SLC6A9: variants seen among roughly 807,000 people sequenced by gnomAD.
SLC6A9 encodes solute carrier family 6 member 9, also known as sodium- and chloride-dependent glycine transporter 1.
A neutral mutation model predicts 70.9 loss-of-function variants in SLC6A9; 31 were observed. The ratio of observed to expected loss-of-function variants is 0.44; its 90% CI spans 0.33 to 0.59. The LOEUF (loss-of-function observed/expected upper bound fraction) is 0.59. Among genes scored for constraint, SLC6A9 ranks in the 20% least tolerant of loss-of-function variants. The pLI, the probability that SLC6A9 is intolerant of heterozygous loss-of-function variation, is 0.04. For missense variants in SLC6A9, 631 were observed against 845.2 expected, an observed-to-expected ratio of 0.75 and a Z score of 3.14; for synonymous variants, 310 against 341.3, an observed-to-expected ratio of 0.91 and a Z score of 1.01.
intron 2 of SLC6A9, among the ~76,000 whole-genome samples, 195 bp downstream of exon 2, chr1:44,024,053 C>T (rs772958644): frequency 6.6e-6 from 1 of 152,178 alleles, no homozygotes; most frequent in Admixed American, 6.5e-5. Context: ...CAGGTCTTTG[C>T]GGGCTCTGCG....
At chr1:44,001,355 C>T in intron 9 of SLC6A9, 35 bp downstream of exon 9, 2 of 1,613,122 alleles carry the variant, frequency 1.2e-6, no homozygotes, top group Non-Finnish European at 1.7e-6. Context: ...CCCCTCCCTT[C>T]CCCAAGCCTC....
At chr1:44,028,330 G>A (rs565772836) in intron 1 of SLC6A9, among the ~76,000 whole-genome samples, 2 of 152,300 alleles carry the variant, frequency 1.3e-5, no homozygotes, top group African/African-American at 4.8e-5. Flanking sequence ...CCTATTGAAA[G>A]CTTTTAAGCA....
At chr1:44,016,986 C>A in intron 2 of SLC6A9, 1 of 1,515,562 alleles carries the variant, frequency 6.6e-7, no homozygotes, top group Non-Finnish European at 8.9e-7. Context: ...CCATCCGCAG[C>A]CCAGCCTCTC....
At chr1:44,015,820 T>C (rs1325440) in intron 2 of SLC6A9, 851,222 of 981,858 alleles carry the variant, frequency 0.87, 369,404 homozygotes, top group African/African-American at 0.9. Flanking sequence ...TACCTGGATA[T>C]GGGAGAGTCT....
intron 2 of SLC6A9, chr1:44,017,114 C>A: frequency 6.2e-7 from 1 of 1,606,104 alleles, no homozygotes. Context: ...GATCGCAGCC[C>A]GCGTGTCTCC....
intron 2 of SLC6A9, among the ~76,000 whole-genome samples, chr1:44,015,308 C>T (rs1358574113): frequency 6.6e-6 from 1 of 152,208 alleles, no homozygotes; most frequent in Non-Finnish European, 1.5e-5. Flanking sequence ...ACTCCCGCCT[C>T]CTAGATCAGT....
At position 44,007,359 on chromosome 1, in the gene SLC6A9, A is replaced by G. The variant is rs1245396300; in HGVS notation, c.590+994T>C. ...GGGGACACAGGGCCTGGCAGAGCAG[A>G]GGCGTGAATGTTGTGGAATAAATGG... On this transcript the variant is annotated intron_variant, in intron 5 of 13. Transcript: ENST00000372310. Among the ~76,000 whole-genome samples, 3 of 152,172 alleles carry G rather than the reference A, an allele frequency of 2.0e-5. No individual in the cohort carries two copies. The East Asian group carries it at 5.8e-4, about 29-fold the overall frequency.
At chr1:44,006,902 G>T (rs1036467027) in intron 5 of SLC6A9, among the ~76,000 whole-genome samples, 1 of 152,224 alleles carries the variant, frequency 6.6e-6, no homozygotes, top group African/African-American at 2.4e-5. Flanking sequence ...TAGAGGCCCT[G>T]TGGTGACTTG....
intron 2 of SLC6A9, chr1:44,011,751 G>A: frequency 6.2e-7 from 1 of 1,611,458 alleles, no homozygotes; most frequent in Non-Finnish European, 8.5e-7. Flanking sequence ...AAGGTCAGGA[G>A]AGGCAGATGC....
Position 44,002,758 on chromosome 1 carries a change from C to T in SLC6A9, c.723+95G>A. The T allele has an allele frequency of 1.9e-6, 3 of 1,591,520 alleles. No individual in the cohort carries two copies. The highest frequency in any genetic ancestry group is 2.2e-5 in the East Asian group (1 of 44,676). On this transcript the variant is annotated intron_variant, in intron 6 of 13. Transcript: ENST00000372310. The surrounding 1 kb of genome is among the most constrained non-coding windows in gnomAD (Gnocchi z 5.5). ...CTGGTCCCTCTCCGGCTCCGGAGTCCCTTCAGCATCCCCTCCCTGCAATAC... is the reference window on the plus strand; with the variant it reads ...CTGGTCCCTCTCCGGCTCCGGAGTCTCTTCAGCATCCCCTCCCTGCAATAC...
intron 1 of SLC6A9, among the ~76,000 whole-genome samples, chr1:44,030,115 C>A (rs995177562): frequency 6.6e-6 from 1 of 152,020 alleles, no homozygotes; most frequent in Non-Finnish European, 1.5e-5. Context: ...TTTAAGTATC[C>A]GCCGGCCCGA....
At chr1:44,030,118 C>A (rs1033329577) in intron 1 of SLC6A9, among the ~76,000 whole-genome samples, 4 of 152,028 alleles carry the variant, frequency 2.6e-5, no homozygotes, top group African/African-American at 9.7e-5. Context: ...AAGTATCCGC[C>A]GGCCCGAGGC....
intron 2 of SLC6A9, among the ~76,000 whole-genome samples, chr1:44,016,169 C>T (rs1454441817): frequency 6.6e-6 from 1 of 152,204 alleles, no homozygotes; most frequent in African/African-American, 2.4e-5. Context: ...CAGCTCCTCG[C>T]TTCCCACCCC....
chr1:44,003,792 C>T (rs1208771751), intron 5 of SLC6A9, among the ~76,000 whole-genome samples: 2 of 151,902 alleles, frequency 1.3e-5, no homozygotes. Flanking sequence ...CAAATTTCTC[C>T]CCTCTGGGTG....
chr1:44,001,064 C>T lies in SLC6A9; in HGVS notation c.1336-9G>A, dbSNP rs2086080391. The T allele has an allele frequency of 1.3e-6, 2 of 1,592,474 alleles. No individual in the cohort carries two copies. The highest frequency in any genetic ancestry group is 1.7e-6 in the Non-Finnish European group (2 of 1,167,780). On this transcript the variant is annotated splice_polypyrimidine_tract_variant and intron_variant, in intron 10 of 13. Coordinates refer to ENST00000372310, the MANE Select transcript of SLC6A9 (RefSeq NM_001024845.3). ...AGCCAATAGATGCCTGCCTGGGGAACAGCGGGCAGCTGTGGGAGGCGCCTG... is the reference window on the plus strand; with the variant it reads ...AGCCAATAGATGCCTGCCTGGGGAATAGCGGGCAGCTGTGGGAGGCGCCTG...
chr1:44,017,801 A>T (rs1380053557), intron 2 of SLC6A9, among the ~76,000 whole-genome samples: 4 of 152,254 alleles, frequency 2.6e-5, no homozygotes, highest in African/African-American at 9.6e-5. Context: ...CTGGACAAAG[A>T]TGGCATTAGC....
intron 1 of SLC6A9, among the ~76,000 whole-genome samples, chr1:44,025,671 G>A (rs2086969954): frequency 6.6e-6 from 1 of 151,934 alleles, no homozygotes; most frequent in African/African-American, 2.4e-5. Context: ...ATGGTGGCAG[G>A]TGCCTGTAAT....
chr1:44,017,238 T>A, intron 2 of SLC6A9: 1 of 1,517,882 alleles, frequency 6.6e-7, no homozygotes. Context: ...CCCGAAGCTC[T>A]GCCTACCCGC....
chr1:44,017,281 T>G, intron 2 of SLC6A9: 1 of 1,482,108 alleles, frequency 6.7e-7, no homozygotes, highest in East Asian at 2.7e-5. Flanking sequence ...CCAGTCCCCA[T>G]GCAGCCCAGC....
Sources: gnomAD v4.1 joint callset for allele counts (sites outside exome capture counted in the v4.1 genomes callset) on GRCh38, gnomAD v4.1.1 for gene constraint, Gnocchi (gnomAD v3.1) non-coding constraint, MANE v1.5 for transcripts, NCBI Gene and HGNC (gene_info 2026-07-23, HGNC 2026-07-21) for gene names.